PXN: variants seen among roughly 807,000 people sequenced by gnomAD.
PXN encodes the protein paxillin.
In PXN, 61 loss-of-function variants were observed where a neutral mutation model predicts 103.6. That is an observed-to-expected ratio of 0.59 (90% CI 0.48 to 0.73). PXN has a LOEUF of 0.73. Among genes scored for constraint, PXN ranks in the 30% least tolerant of loss-of-function variants. The pLI is 0.00. For synonymous variants in PXN, 562 were observed against 607.8 expected (o/e 0.92, Z 1.11); for missense variants, 1,274 against 1,460.3 (o/e 0.87, Z 2.08).
rs1018819988 is a variant in PXN at position 120,220,481 on chromosome 12, A to G, written c.832-390T>C. 2.6e-5 allele frequency among the ~76,000 whole-genome samples: 4 copies of G among 152,168 alleles called. No individual in the cohort carries two copies. Among genetic ancestry groups the G allele is most frequent in the African/African-American group, 9.7e-5 (4 of 41,424 alleles). ...CCTCGGACACTGGCCCAACTCGGCC[A>G]TGTCCCTCCGGACAATCCCAGCTTT... On this transcript the variant is annotated intron_variant, in intron 6 of 14. Transcript: ENST00000637617. This position sits in a 1 kb window ranked among gnomAD's most constrained non-coding sequence, Gnocchi z 6.1.
rs1375765037 is a variant in PXN at position 120,223,783 on chromosome 12, G to A, written c.291C>T (p.Val97=). 7 of 1,610,592 alleles carry A rather than the reference G, an allele frequency of 4.3e-6. No individual in the cohort carries two copies. The highest frequency in any genetic ancestry group is 5.9e-6 in the Non-Finnish European group (7 of 1,178,546). Residue 97 remains valine, a synonymous_variant, in exon 3 of 15, where the codon GTC becomes GTT. Transcript: ENST00000637617. The stretch of plus-strand genomic sequence containing the variant: ...AGCCAACACTGTCCTGAGGGTTGGA[G>A]ACACTGGAAGTTTTGGCACTGGAGC... ...VYGSSAKTSS[V]SNPQDSVGSP...
Position 120,224,022 on chromosome 12 carries a change from G to T in PXN, c.240+129C>A. On this transcript the variant is annotated intron_variant, in intron 2 of 14. Transcript: ENST00000637617. This position sits in a 1 kb window ranked among gnomAD's most constrained non-coding sequence, Gnocchi z 5.0. ...TCCACTCACGTGGTGAGTGGGAAGA[G>T]CAGTGTCTGGTTGGGAAGGGTCGAC... 3.6e-6 allele frequency: 3 copies of T among 824,316 alleles called. No homozygotes were observed. The highest frequency in any genetic ancestry group is 5.7e-6 in the Non-Finnish European group (3 of 530,018). 51.1% of individuals were successfully genotyped at this position (824,316 alleles called of 1,614,324 possible). A position where few individuals can be genotyped will look rare whatever the true frequency, so the allele number is the denominator to read the frequency against.
intron 1 of PXN, among the ~76,000 whole-genome samples, chr12:120,238,900 C>T (rs1303321549): frequency 6.6e-6 from 1 of 152,182 alleles, no homozygotes; most frequent in Non-Finnish European, 1.5e-5. Context: ...TCCTTGGACG[C>T]TCCTAAGCTA....
In PXN at chr12:120,223,853, C is replaced by CA; in HGVS notation, c.241-21dup. On this transcript the variant is annotated intron_variant, in intron 2 of 14. Transcript: ENST00000637617. ...CTGAGGCTGCGAGAAGGAGAATGCT[C>CA]AGAGGCTACCCCGAGGGGAGAAAAA... 6.5e-7 allele frequency: 1 copy of CA among 1,538,236 alleles called. No individual in the cohort carries two copies. Among genetic ancestry groups the CA allele is most frequent in the African/African-American group, 1.4e-5 (1 of 73,248 alleles).
At chr12:120,255,032 G>A (rs562266529) in intron 1 of PXN, among the ~76,000 whole-genome samples, 2 of 152,258 alleles carry the variant, frequency 1.3e-5, no homozygotes, top group East Asian at 1.9e-4. Flanking sequence ...TGAGAAGGGA[G>A]AGTGGAAAGG....
chr12:120,247,418 G>A (rs568700599), intron 1 of PXN: 1 of 152,900 alleles, frequency 6.5e-6, no homozygotes, highest in African/African-American at 2.4e-5. Context: ...CCTCACCCCA[G>A]AACAAGTCAG....
In PXN at chr12:120,228,561, C is replaced by T. The variant is rs1325170903; in HGVS notation, c.14-4184G>A. ...TCAGCTTCTTGCCACTGGGTAACCT[C>T]GTGCAATCTTGCAATTTTCTAGCCG... On this transcript the variant is annotated intron_variant, in intron 1 of 14. Transcript: ENST00000637617. The surrounding 1 kb of genome is among the most constrained non-coding windows in gnomAD (Gnocchi z 4.7). Among the ~76,000 whole-genome samples the T allele has an allele frequency of 6.6e-6, 1 of 152,226 alleles. No individual in the cohort carries two copies. Among genetic ancestry groups the T allele is most frequent in the Non-Finnish European group, 1.5e-5 (1 of 68,032 alleles).
chr12:120,235,350 A>G (rs1437958473), intron 1 of PXN, among the ~76,000 whole-genome samples: 1 of 152,034 alleles, frequency 6.6e-6, no homozygotes, highest in East Asian at 1.9e-4. Flanking sequence ...GAGGAGTGGA[A>G]CAACCCTTCC....
At chr12:120,239,073 C>A (rs1889671886) in intron 1 of PXN, among the ~76,000 whole-genome samples, 1 of 152,184 alleles carries the variant, frequency 6.6e-6, no homozygotes, top group Non-Finnish European at 1.5e-5. Flanking sequence ...AGGAAATGGT[C>A]ACCAAAAAAG....
intron 1 of PXN, among the ~76,000 whole-genome samples, chr12:120,233,933 C>T (rs1316138546): frequency 6.6e-6 from 1 of 152,120 alleles, no homozygotes; most frequent in African/African-American, 2.4e-5. Flanking sequence ...GATATCCATA[C>T]CCCCAGGGGA....
intron 1 of PXN, among the ~76,000 whole-genome samples, chr12:120,241,612 G>C (rs1287579055): frequency 6.6e-6 from 1 of 152,224 alleles, no homozygotes; most frequent in Non-Finnish European, 1.5e-5. Flanking sequence ...TCATAAACGA[G>C]GGGCAGAAGG....
At chr12:120,226,486 TCCAAACACCCAACAGAA>T (rs1594423983) in intron 1 of PXN, 1 of 1,274,614 alleles carries the variant, frequency 7.8e-7, no homozygotes, top group African/African-American at 1.5e-5. Context: ...TCTCTTGGAC[TCCAAACACCCAACAGAA>T]GACAAATGGT....
intron 1 of PXN, among the ~76,000 whole-genome samples, chr12:120,242,154 T>C (rs887563912): frequency 4.6e-5 from 7 of 152,116 alleles, no homozygotes; most frequent in Non-Finnish European, 1.0e-4. Flanking sequence ...AGGACGTTTT[T>C]CTCTGGCCAA....
rs1325078028 is a variant in PXN at position 120,214,119 on chromosome 12, G to T, written c.2830+17C>A. ...CTCCTAAGAGGCGGTGGGTCAGTCCGCCGGTCCAGCCCGTACCTTCGGGAC... is the reference window on the plus strand; with the variant it reads ...CTCCTAAGAGGCGGTGGGTCAGTCCTCCGGTCCAGCCCGTACCTTCGGGAC... On this transcript the variant is annotated intron_variant, in intron 13 of 14. Transcript: ENST00000637617. The surrounding 1 kb of genome is among the most constrained non-coding windows in gnomAD (Gnocchi z 5.0). The T allele has an allele frequency of 3.9e-6, 6 of 1,553,654 alleles. No homozygotes were observed. Among genetic ancestry groups the T allele is most frequent in the Non-Finnish European group, 5.2e-6 (6 of 1,148,500 alleles).
Position 120,219,156 on chromosome 12 carries a change from A to G in PXN, c.1716+51T>C. 1.4e-6 allele frequency: 2 copies of G among 1,475,056 alleles called. No individual in the cohort carries two copies. Among genetic ancestry groups the G allele is most frequent in the Non-Finnish European group, 1.8e-6 (2 of 1,112,980 alleles). The allele number at this position is 1,475,056 out of a possible 1,614,324, so 91.4% of individuals were successfully genotyped here. On this transcript the variant is annotated intron_variant, in intron 7 of 14. Coordinates refer to ENST00000637617, the MANE Select transcript of PXN (RefSeq NM_001385981.1). The surrounding 1 kb of genome is among the most constrained non-coding windows in gnomAD (Gnocchi z 6.5). ...ATGCAGTTAGCGAGGAGCGGCCCACACTCAGACCCGCCAATGGCCATGCCC... is the reference window on the plus strand; with the variant it reads ...ATGCAGTTAGCGAGGAGCGGCCCACGCTCAGACCCGCCAATGGCCATGCCC...
intron 1 of PXN, among the ~76,000 whole-genome samples, chr12:120,263,563 G>A (rs1355399983): frequency 6.6e-6 from 1 of 152,202 alleles, no homozygotes; most frequent in Non-Finnish European, 1.5e-5. Context: ...TTTCATGGCT[G>A]TGCAGCCTTG....
chr12:120,241,332 G>C (rs1890092024), intron 1 of PXN, among the ~76,000 whole-genome samples: 1 of 152,156 alleles, frequency 6.6e-6, no homozygotes, highest in African/African-American at 2.4e-5. Context: ...CACTGACCCA[G>C]GCAGCAAACT....
chr12:120,234,116 A>C (rs1036590595), intron 1 of PXN, among the ~76,000 whole-genome samples: 2 of 152,104 alleles, frequency 1.3e-5, no homozygotes, highest in Non-Finnish European at 2.9e-5. Flanking sequence ...GAGAGGCTTC[A>C]AGGCCTGCAT....
intron 3 of PXN, among the ~76,000 whole-genome samples, chr12:120,223,301 G>T (rs1885785053): frequency 6.6e-6 from 1 of 152,134 alleles, no homozygotes; most frequent in African/African-American, 2.4e-5. Flanking sequence ...AGGCGTGGTG[G>T]TGGGTGCCTG....
Sources: gnomAD v4.1 joint callset for allele counts (sites outside exome capture counted in the v4.1 genomes callset) on GRCh38, gnomAD v4.1.1 for gene constraint, Gnocchi (gnomAD v3.1) non-coding constraint, MANE v1.5 for transcripts, NCBI Gene and HGNC (gene_info 2026-07-23, HGNC 2026-07-21) for gene names.